DHTKD1: variants seen among roughly 807,000 people sequenced by gnomAD.
DHTKD1 encodes 2-oxoadipate dehydrogenase complex component E1.
A neutral mutation model predicts 101.8 loss-of-function variants in DHTKD1; 78 were observed. The observed-to-expected ratio is 0.77, with a 90% CI of 0.64 to 0.93. The LOEUF (loss-of-function observed/expected upper bound fraction) is 0.93, where lower values mean the gene tolerates loss of function less well. DHTKD1 is among the 40% of genes least tolerant of loss of function. DHTKD1 has a pLI of 0.00. For missense variants in DHTKD1, 1,223 were observed against 1,161.7 expected, an observed-to-expected ratio of 1.05 and a Z score of -0.77; for synonymous variants, 462 against 450.3, an observed-to-expected ratio of 1.03 and a Z score of -0.33.
chr10:12,098,041 C>A (rs138799837), intron 8 of DHTKD1, 45 bp downstream of exon 8: 15 of 1,528,618 alleles, frequency 9.8e-6, no homozygotes, highest in South Asian at 2.5e-5. Context: ...CCTTCCTGCT[C>A]AGCAAAGGAG....
chr10:12,092,789 G>A (rs1466787495), intron 6 of DHTKD1, among the ~76,000 whole-genome samples: 2 of 151,870 alleles, frequency 1.3e-5, no homozygotes, highest in Admixed American at 6.6e-5. Context: ...GGCAACAAGA[G>A]CGAAACTCCA....
rs753179652 is a variant in DHTKD1, at chr10:12,106,259, C to G, written c.1910C>G (p.Pro637Arg). The change falls in exon 11 of 17, where the codon CCA (proline) becomes CGA (arginine). Residue 637 changes from proline (P) to arginine (R), a missense_variant. Coordinates refer to ENST00000263035, the MANE Select transcript of DHTKD1 (RefSeq NM_018706.7). ...QKGFLEVSNS[P>R]LSEEAVLGFE... The stretch of plus-strand genomic sequence containing the variant: ...CTCTGGGATTAGGTCAGCAACAGCC[C>G]ACTGTCAGAAGAGGCCGTCCTGGGA... 3.0e-5 allele frequency: 49 copies of G among 1,613,972 alleles called. No individual in the cohort carries two copies. Among genetic ancestry groups the G allele is most frequent in the Non-Finnish European group, 3.7e-5 (44 of 1,179,982 alleles).
chr10:12,119,397 C>T (rs1439095837), intron 15 of DHTKD1, among the ~76,000 whole-genome samples: 26 of 151,246 alleles, frequency 1.7e-4, no homozygotes, highest in Non-Finnish European at 2.4e-4. Context: ...GGGCGGATCA[C>T]GAGGTCAGGA....
chr10:12,102,488 G>A (rs187414690), intron 10 of DHTKD1, among the ~76,000 whole-genome samples: 1 of 151,716 alleles, frequency 6.6e-6, no homozygotes. Flanking sequence ...TAACTGAAGG[G>A]ATATGGAGCT....
intron 1 of DHTKD1, among the ~76,000 whole-genome samples, chr10:12,072,713 G>T (rs1488455345): frequency 3.3e-5 from 5 of 151,216 alleles, no homozygotes; most frequent in Non-Finnish European, 7.4e-5. Flanking sequence ...GGTGGGTTTA[G>T]GAGTAGTGAT....
chr10:12,081,968 A>T (rs904593832), intron 2 of DHTKD1, among the ~76,000 whole-genome samples: 80 of 151,902 alleles, frequency 5.3e-4, no homozygotes, highest in Middle Eastern at 6.8e-3. Context: ...TACAAAAAAA[A>T]AAAAAAAAAA....
At position 12,087,269 on chromosome 10, in the gene DHTKD1, GA is replaced by G. The variant is rs1259353055; in HGVS notation, c.523-264del. 6.6e-6 allele frequency among the ~76,000 whole-genome samples: 1 copy of G among 152,152 alleles called. No homozygotes were observed. Among genetic ancestry groups the G allele is most frequent in the Non-Finnish European group, 1.5e-5 (1 of 68,012 alleles). On this transcript the variant is annotated intron_variant, in intron 3 of 16. Transcript: ENST00000263035. This position sits in a 1 kb window ranked among gnomAD's most constrained non-coding sequence, Gnocchi z 5.2. The stretch of plus-strand genomic sequence containing the variant: ...CTAAGGCCTGGATTCCAGTCCAGAA[GA>G]ACACACATTCTAAGGGGGTTTCCTT...
chr10:12,070,600 T>A (rs911031188), intron 1 of DHTKD1, among the ~76,000 whole-genome samples: 1 of 152,244 alleles, frequency 6.6e-6, no homozygotes, highest in African/African-American at 2.4e-5. Context: ...GCGATTGTCC[T>A]GCCCCAGTGT....
At position 12,107,053 on chromosome 10, in the gene DHTKD1, C is replaced by T. The variant is rs1019260505; in HGVS notation, c.2047+657C>T. ...AGGCTGGAGTGCAGTGGTGCGATCT[C>T]GGCTCACTGCAAGCTCCGCCTACTG... On this transcript the variant is annotated intron_variant, in intron 11 of 16. Coordinates refer to ENST00000263035, the MANE Select transcript of DHTKD1 (RefSeq NM_018706.7). The surrounding 1 kb of genome is among the most constrained non-coding windows in gnomAD (Gnocchi z 4.1). Among the ~76,000 whole-genome samples the T allele has an allele frequency of 1.6e-4, 24 of 150,954 alleles. No homozygotes were observed. The highest frequency in any genetic ancestry group is 3.5e-3 in the Middle Eastern group (1 of 288).
At chr10:12,096,834 A>G (rs933080221) in intron 7 of DHTKD1, among the ~76,000 whole-genome samples, 13 of 152,234 alleles carry the variant, frequency 8.5e-5, no homozygotes, top group African/African-American at 3.1e-4. Flanking sequence ...AAAGATTGCA[A>G]CTTTCAGACT....
At chr10:12,104,416 T>G (rs1348445582) in intron 10 of DHTKD1, among the ~76,000 whole-genome samples, 1 of 152,030 alleles carries the variant, frequency 6.6e-6, no homozygotes, top group East Asian at 1.9e-4. Flanking sequence ...TGACCTCAAG[T>G]GATCATCTCA....
intron 10 of DHTKD1, 80 bp downstream of exon 10, chr10:12,101,261 G>GTGC: frequency 2.0e-6 from 3 of 1,491,122 alleles, no homozygotes; most frequent in Non-Finnish European, 2.7e-6. Flanking sequence ...GTAGGAAGGA[G>GTGC]TGCTGGCAAC....
intron 2 of DHTKD1, 34 bp downstream of exon 2, chr10:12,081,661 G>A (rs1832821437): frequency 6.2e-7 from 1 of 1,612,730 alleles, no homozygotes; most frequent in Non-Finnish European, 8.5e-7. Context: ...GGAGCTCGGA[G>A]CTGCACACCA....
chr10:12,089,701 C>T (rs578094743), intron 5 of DHTKD1, among the ~76,000 whole-genome samples: 4 of 151,802 alleles, frequency 2.6e-5, no homozygotes, highest in East Asian at 1.9e-4. Context: ...GACCGAGTCT[C>T]ACTCTGTCAC....
chr10:12,097,337 A>T (rs1035585584), intron 7 of DHTKD1, among the ~76,000 whole-genome samples: 3 of 152,122 alleles, frequency 2.0e-5, no homozygotes, highest in Non-Finnish European at 4.4e-5. Context: ...CAGTGGTGCC[A>T]TCTCGGCTCA....
intron 13 of DHTKD1, among the ~76,000 whole-genome samples, chr10:12,115,125 G>A (rs1833396276): frequency 6.7e-6 from 1 of 150,070 alleles, no homozygotes; most frequent in Non-Finnish European, 1.5e-5. Flanking sequence ...ATGGAGTGTC[G>A]CTCTGTTGCC....
intron 13 of DHTKD1, among the ~76,000 whole-genome samples, chr10:12,115,819 A>T (rs1588619251): frequency 6.6e-6 from 1 of 151,820 alleles, no homozygotes; most frequent in Non-Finnish European, 1.5e-5. Context: ...CTAGGCTGGC[A>T]TGCAGCGGCA....
At position 12,118,274 on chromosome 10, in the gene DHTKD1, G is replaced by T. The variant is rs148910484; in HGVS notation, c.2403-475G>T. Among the ~76,000 whole-genome samples the T allele has an allele frequency of 8.7e-3, 1,322 of 152,108 alleles. 23 individuals are homozygous for T. Among genetic ancestry groups the T allele is most frequent in the African/African-American group, 0.03 (1,249 of 41,510 alleles). On this transcript the variant is annotated intron_variant, in intron 14 of 16. Coordinates refer to ENST00000263035, the MANE Select transcript of DHTKD1 (RefSeq NM_018706.7). ...GACTTTGTAGGCGCATGTTGCTGAA[G>T]AAGGGTCCCCAGGAATAGCCTGTGA...
rs536057636 is a variant in DHTKD1, at chr10:12,072,357, G to A, written c.154+3170G>A. On this transcript the variant is annotated intron_variant, in intron 1 of 16. Coordinates refer to ENST00000263035, the MANE Select transcript of DHTKD1 (RefSeq NM_018706.7). The stretch of plus-strand genomic sequence containing the variant: ...TGTGCCTATAATACCGGTTACTCGG[G>A]AGGCTGAGTCAGGAGAATCACTTGA... Among the ~76,000 whole-genome samples the A allele has an allele frequency of 1.1e-4, 16 of 152,230 alleles. No individual in the cohort carries two copies. In the East Asian group the frequency reaches 2.7e-3, roughly 26 times the overall value.
Sources: gnomAD v4.1 joint callset for allele counts (sites outside exome capture counted in the v4.1 genomes callset) on GRCh38, gnomAD v4.1.1 for gene constraint, Gnocchi (gnomAD v3.1) non-coding constraint, MANE v1.5 for transcripts, NCBI Gene and HGNC (gene_info 2026-07-23, HGNC 2026-07-21) for gene names.